Variants in RYR2 observed in about 807,000 individuals in gnomAD.
RYR2 encodes the protein cardiac muscle ryanodine receptor-calcium release channel.
A neutral mutation model predicts 601.1 loss-of-function variants in RYR2; 227 were observed. The observed-to-expected ratio is 0.38, with a 90% CI of 0.34 to 0.42. The LOEUF (loss-of-function observed/expected upper bound fraction) is 0.42, where lower values mean the gene tolerates loss of function less well. Among genes scored for constraint, RYR2 ranks in the 10% least tolerant of loss-of-function variants. The pLI is 1.00. For synonymous variants in RYR2, 2,223 were observed against 2,175.1 expected (o/e 1.02, Z -0.61); for missense variants, 4,646 against 6,156.5 (o/e 0.75, Z 8.21).
chr1:237,196,234 A>T (rs1236935605), intron 1 of RYR2, among the ~76,000 whole-genome samples: 1 of 152,166 alleles, frequency 6.6e-6, no homozygotes, highest in Non-Finnish European at 1.5e-5. Flanking sequence ...ATTGAGACAA[A>T]ATTTAAAAAA....
At chr1:237,234,086 T>C (rs1685292090) in intron 1 of RYR2, among the ~76,000 whole-genome samples, 1 of 152,214 alleles carries the variant, frequency 6.6e-6, no homozygotes, top group South Asian at 2.1e-4. Flanking sequence ...CATGAAATAC[T>C]GTTTAACCAA....
intron 1 of RYR2, among the ~76,000 whole-genome samples, chr1:237,077,798 T>C (rs1481086022): frequency 1.3e-5 from 2 of 152,204 alleles, no homozygotes; most frequent in Non-Finnish European, 2.9e-5. Context: ...TACAGAACCA[T>C]CCACCCCAAA....
intron 79 of RYR2, among the ~76,000 whole-genome samples, chr1:237,741,185 G>T (rs1207731255): frequency 6.6e-6 from 1 of 152,104 alleles, no homozygotes; most frequent in African/African-American, 2.4e-5. Flanking sequence ...AAAGCGTGGT[G>T]CTATCATGAT....
chr1:237,765,167 C>G (rs1693751991), intron 84 of RYR2, among the ~76,000 whole-genome samples: 1 of 151,942 alleles, frequency 6.6e-6, no homozygotes, highest in South Asian at 2.1e-4. Context: ...AAAACAAAAC[C>G]TGTATGAATA....
chr1:237,130,081 A>C (rs907213366), intron 1 of RYR2, among the ~76,000 whole-genome samples: 1 of 152,176 alleles, frequency 6.6e-6, no homozygotes, highest in African/African-American at 2.4e-5. Context: ...AGAATTGCTA[A>C]GAGAGTAGAT....
intron 1 of RYR2, among the ~76,000 whole-genome samples, chr1:237,228,907 GA>G (rs957404031): frequency 6.6e-6 from 1 of 151,794 alleles, no homozygotes; most frequent in Non-Finnish European, 1.5e-5. Context: ...TGGGTGATGT[GA>G]AAAAAAATAG....
chr1:237,466,454 A>G (rs1013049883), intron 16 of RYR2, among the ~76,000 whole-genome samples: 3 of 152,142 alleles, frequency 2.0e-5, no homozygotes, highest in Admixed American at 1.3e-4. Context: ...GGTATGAGCC[A>G]CTACGCCTGG....
intron 1 of RYR2, chr1:237,121,036 G>GTT (rs1558270379): frequency 2.0e-5 from 3 of 151,670 alleles, no homozygotes; most frequent in African/African-American, 4.9e-5. Context: ...AATGCTGTGT[G>GTT]TGTGTGTGTG....
intron 16 of RYR2, among the ~76,000 whole-genome samples, chr1:237,464,357 CT>C (rs2150273151): frequency 6.6e-6 from 1 of 151,658 alleles, no homozygotes; most frequent in East Asian, 1.9e-4. Flanking sequence ...ACTTCACATC[CT>C]AACTTCCATT....
intron 34 of RYR2, among the ~76,000 whole-genome samples, chr1:237,599,110 T>C (rs866638688): frequency 2.2e-4 from 33 of 152,310 alleles, no homozygotes; most frequent in African/African-American, 7.2e-4. Context: ...AGCAGATTAA[T>C]AGTGAGTGAG....
At chr1:237,609,020 C>G (rs1456136959) in intron 35 of RYR2, among the ~76,000 whole-genome samples, 2 of 151,228 alleles carry the variant, frequency 1.3e-5, no homozygotes, top group South Asian at 4.2e-4. Flanking sequence ...CTCTCCCTCC[C>G]TCCTTCCCTC....
intron 22 of RYR2, among the ~76,000 whole-genome samples, chr1:237,503,896 T>C (rs1664928309): frequency 2.0e-5 from 3 of 152,064 alleles, no homozygotes; most frequent in Admixed American, 6.5e-5. Context: ...TTAGTAGAGA[T>C]GGGGTTTCAT....
chr1:237,728,272 C>T (rs188890132), intron 76 of RYR2, among the ~76,000 whole-genome samples: 11 of 152,238 alleles, frequency 7.2e-5, no homozygotes, highest in Non-Finnish European at 1.3e-4. Context: ...TTCTTGCCAT[C>T]GTGTCACACT....
intron 1 of RYR2, among the ~76,000 whole-genome samples, chr1:237,129,435 AAG>A (rs1671913759): frequency 6.6e-6 from 1 of 152,188 alleles, no homozygotes; most frequent in South Asian, 2.1e-4. Context: ...CATGGAAATC[AAG>A]AGAGGAGAAA....
chr1:237,537,933 A>C (rs1668819725), intron 25 of RYR2, among the ~76,000 whole-genome samples: 1 of 152,212 alleles, frequency 6.6e-6, no homozygotes, highest in African/African-American at 2.4e-5. Context: ...GAGGTGTAAC[A>C]GAAGGAGAGC....
intron 24 of RYR2, 59 bp downstream of exon 24, chr1:237,511,850 A>AAAAAG: frequency 6.8e-6 from 6 of 881,354 alleles, no homozygotes; most frequent in South Asian, 6.6e-5. Context: ...AAAAAAAAAA[A>AAAAAG]AAAAAAAAAC....
intron 2 of RYR2, among the ~76,000 whole-genome samples, chr1:237,325,709 CA>C (rs1357969848): frequency 1.3e-5 from 2 of 151,232 alleles, no homozygotes; most frequent in African/African-American, 4.9e-5. Context: ...CAAAACAAAA[CA>C]AAAAATATAT....
At chr1:237,463,916 T>A (rs1659760332) in intron 16 of RYR2, among the ~76,000 whole-genome samples, 1 of 152,212 alleles carries the variant, frequency 6.6e-6, no homozygotes, top group Non-Finnish European at 1.5e-5. Flanking sequence ...ATTGTACTAT[T>A]TGGTATTAAA....
chr1:237,700,618 T>C (rs1558246678), intron 65 of RYR2, among the ~76,000 whole-genome samples, 151 bp downstream of exon 65: 1 of 152,182 alleles, frequency 6.6e-6, no homozygotes, highest in Non-Finnish European at 1.5e-5. Flanking sequence ...GGTTGACATT[T>C]GTGTGATAGA....
Sources: allele counts gnomAD v4.1 joint callset (sites outside exome capture counted in the v4.1 genomes callset), GRCh38; gene constraint gnomAD v4.1.1; transcripts MANE v1.5; gene names NCBI Gene and HGNC (gene_info 2026-07-23, HGNC 2026-07-21).